The following DGUOK variants were observed in gnomAD, a reference collection of about 807,000 sequenced individuals.
DGUOK encodes deoxyguanosine kinase, also known as deoxyguanosine kinase, mitochondrial.
A neutral mutation model predicts 36.6 loss-of-function variants in DGUOK; 30 were observed. The observed-to-expected ratio is 0.82, with a 90% CI of 0.61 to 1.11. The LOEUF is 1.11. Among genes scored for constraint, DGUOK ranks in the 50% most tolerant of loss-of-function variants. DGUOK has a pLI of 0.00. For missense variants in DGUOK, 361 were observed against 336.4 expected (o/e 1.07, Z -0.57); for synonymous variants, 145 against 126.3 (o/e 1.15, Z -0.99).
chr2:73,932,724 G>C, intron 1 of DGUOK: 4 of 1,119,274 alleles, frequency 3.6e-6, no homozygotes, highest in Non-Finnish European at 4.7e-6. Flanking sequence ...TCTGCTCTAA[G>C]TCCTATTATT....
At chr2:73,940,090 CAG>C (rs1017296574) in intron 2 of DGUOK, among the ~76,000 whole-genome samples, 1 of 152,032 alleles carries the variant, frequency 6.6e-6, no homozygotes, top group Non-Finnish European at 1.5e-5. Context: ...TTAGTAGAGA[CAG>C]GGTTTCGCCA....
At chr2:73,940,709 G>A (rs1440549792) in intron 2 of DGUOK, among the ~76,000 whole-genome samples, 1 of 152,116 alleles carries the variant, frequency 6.6e-6, no homozygotes, top group East Asian at 1.9e-4. Context: ...CCTTTTCTAT[G>A]TTTAGATACA....
intron 1 of DGUOK, among the ~76,000 whole-genome samples, chr2:73,938,471 A>G (rs1300275729): frequency 2.0e-5 from 3 of 152,188 alleles, no homozygotes; most frequent in Non-Finnish European, 4.4e-5. Context: ...TCAGCACTCC[A>G]TGAATATTTT....
intron 1 of DGUOK, among the ~76,000 whole-genome samples, chr2:73,933,386 T>A (rs576522296): frequency 6.6e-6 from 1 of 152,298 alleles, no homozygotes; most frequent in South Asian, 2.1e-4. Context: ...GAACAAATAA[T>A]TACAGCGTAA....
intron 2 of DGUOK, among the ~76,000 whole-genome samples, chr2:73,944,259 A>G (rs148980297): frequency 8.5e-4 from 129 of 152,196 alleles, no homozygotes; most frequent in Non-Finnish European, 7.6e-4. Flanking sequence ...GCCTCAAGCA[A>G]TCCTCCTGCC....
chr2:73,937,268 C>T (rs1402517367), intron 1 of DGUOK, among the ~76,000 whole-genome samples: 1 of 152,234 alleles, frequency 6.6e-6, no homozygotes, highest in Admixed American at 6.5e-5. Flanking sequence ...TGTGATCTGG[C>T]CCCGGACTGC....
chr2:73,933,807 A>G (rs143227307), intron 1 of DGUOK, among the ~76,000 whole-genome samples: 2 of 152,282 alleles, frequency 1.3e-5, no homozygotes, highest in Admixed American at 1.3e-4. Context: ...TCATCATTTC[A>G]GTTATAGTAC....
intron 3 of DGUOK, 138 bp downstream of exon 3, chr2:73,947,044 A>C: frequency 2.4e-6 from 2 of 851,062 alleles, no homozygotes; most frequent in Non-Finnish European, 3.8e-6. Context: ...ACAACACTAT[A>C]CAGATTTGTC....
intron 3 of DGUOK, 76 bp from the exon 4 acceptor site, chr2:73,950,509 T>C (rs1359658584): frequency 1.4e-6 from 2 of 1,479,086 alleles, no homozygotes; most frequent in South Asian, 1.1e-5. Context: ...ATTTTTCTGC[T>C]TCTCTCTCTC....
At chr2:73,931,269 T>TG (rs1558642424) in intron 1 of DGUOK, among the ~76,000 whole-genome samples, 1 of 151,712 alleles carries the variant, frequency 6.6e-6, no homozygotes, top group Non-Finnish European at 1.5e-5. Context: ...TTTTGGGGGT[T>TG]TTTTTGTTTG....
intron 2 of DGUOK, among the ~76,000 whole-genome samples, chr2:73,942,809 G>A (rs1002881598): frequency 6.6e-6 from 1 of 152,140 alleles, no homozygotes; most frequent in African/African-American, 2.4e-5. Flanking sequence ...ATATATCAGT[G>A]TTAAGTTTAA....
At chr2:73,956,386 A>G (rs577422923) in intron 4 of DGUOK, among the ~76,000 whole-genome samples, 5 of 152,210 alleles carry the variant, frequency 3.3e-5, no homozygotes, top group Admixed American at 2.0e-4. Flanking sequence ...CTATTCATAC[A>G]TACTGCTTTG....
intron 3 of DGUOK, among the ~76,000 whole-genome samples, chr2:73,949,488 C>T (rs1682558276): frequency 6.6e-6 from 1 of 152,152 alleles, no homozygotes; most frequent in Non-Finnish European, 1.5e-5. Context: ...CTTCTAAGCA[C>T]TTTGTGAGGA....
chr2:73,939,313 C>G lies in DGUOK; in HGVS notation c.255+291C>G, dbSNP rs1681723814. ...GGCTTTGAAGATGAATTTTGTCATT[C>G]CTACACTTAAGTATTTATATTATTA... On this transcript the variant is annotated intron_variant, in intron 2 of 6. Transcript: ENST00000264093. Among the ~76,000 whole-genome samples the G allele has an allele frequency of 1.3e-5, 2 of 152,158 alleles. 1 individual carries two copies. The highest frequency in any genetic ancestry group is 4.1e-4 in the South Asian group (2 of 4,828).
chr2:73,956,373 A>G (rs1448339022), intron 4 of DGUOK, among the ~76,000 whole-genome samples: 2 of 152,210 alleles, frequency 1.3e-5, no homozygotes, highest in Admixed American at 1.3e-4. Context: ...TATAAATGCA[A>G]TGCTATTCAT....
Position 73,942,292 on chromosome 2 carries a change from T to C in DGUOK, c.255+3270T>C, listed in dbSNP as rs187682882. On this transcript the variant is annotated intron_variant, in intron 2 of 6. Coordinates refer to ENST00000264093, the MANE Select transcript of DGUOK (RefSeq NM_080916.3). ...GTTTTTATGTAGTCTAACCTGTCCT[T>C]CTTTTTCCTCATAGTTAGCACCTTT... Among the ~76,000 whole-genome samples, 130 of 152,336 alleles carry C rather than the reference T, an allele frequency of 8.5e-4. 1 individual carries two copies. Among genetic ancestry groups the C allele is most frequent in the Non-Finnish European group, 2.4e-4 (16 of 68,032 alleles).
At chr2:73,955,610 C>CA (rs1366365095) in intron 4 of DGUOK, among the ~76,000 whole-genome samples, 1 of 152,166 alleles carries the variant, frequency 6.6e-6, no homozygotes, top group Non-Finnish European at 1.5e-5. Context: ...CACGGTGGCT[C>CA]ACGCCTGTAA....
At chr2:73,953,794 C>T (rs1423833201) in intron 4 of DGUOK, among the ~76,000 whole-genome samples, 2 of 147,758 alleles carry the variant, frequency 1.4e-5, no homozygotes, top group Non-Finnish European at 3.0e-5. Context: ...TCTCTGCTCA[C>T]TGCAAGCTCC....
rs776060646 is a variant in DGUOK at position 73,946,785 on chromosome 2, T to C, written c.322T>C (p.Tyr108His). The C allele has an allele frequency of 6.2e-7, 1 of 1,614,180 alleles. No homozygotes were observed. Among genetic ancestry groups the C allele is most frequent in the Non-Finnish European group, 8.5e-7 (1 of 1,180,040 alleles). The stretch of plus-strand genomic sequence containing the variant: ...GTACCGGGAGCCAGCACGATGGTCC[T>C]ACACATTCCAGACATTTTCCTTTTT... The part of the protein sequence containing the change: ...MMYREPARWS[Y>H]TFQTFSFLSR... Residue 108 changes from tyrosine to histidine, a missense_variant, in exon 3 of 7, where the codon TAC becomes CAC. Physicochemically the swap from Tyr to His is moderately conservative, Grantham distance 83. Transcript: ENST00000264093.
Sources: allele counts gnomAD v4.1 joint callset (sites outside exome capture counted in the v4.1 genomes callset), GRCh38; gene constraint gnomAD v4.1.1; transcripts MANE v1.5; gene names NCBI Gene and HGNC (gene_info 2026-07-23, HGNC 2026-07-21).